The following ME2 variants were observed in gnomAD, a reference collection of about 807,000 sequenced individuals.
ME2 encodes NAD-dependent malic enzyme, mitochondrial.
In ME2, 60 loss-of-function variants were observed where a neutral mutation model predicts 73.7. That is an observed-to-expected ratio of 0.81 (90% CI 0.66 to 1.01). The LOEUF is 1.01. Ranked by LOEUF, ME2 falls within the 50% of genes least tolerant of loss-of-function variation. The pLI, the probability that ME2 is intolerant of heterozygous loss-of-function variation, is 0.00. For synonymous variants in ME2, 199 were observed against 236.9 expected, an observed-to-expected ratio of 0.84 and a Z score of 1.47; for missense variants, 594 against 705.5, an observed-to-expected ratio of 0.84 and a Z score of 1.79.
chr18:50,881,938 T>C (rs1568155431), intron 1 of ME2, among the ~76,000 whole-genome samples: 1 of 152,182 alleles, frequency 6.6e-6, no homozygotes, highest in Non-Finnish European at 1.5e-5. Flanking sequence ...AAAATGCAAA[T>C]TGGGGAGGTT....
rs608781 is a variant in ME2, at chr18:50,880,956, C to T, written c.-13+1648C>T. Reference sequence around the variant, plus strand: ...CTTCTTTTGTAAAATTAAAAACTTACAGCTATGTATGTATAATCTGTATAT... The same window carrying T: ...CTTCTTTTGTAAAATTAAAAACTTATAGCTATGTATGTATAATCTGTATAT... On this transcript the variant is annotated intron_variant, in intron 1 of 15. Transcript: ENST00000321341. Among the ~76,000 whole-genome samples the T allele has an allele frequency of 0.85, 129,484 of 152,236 alleles. 56,016 individuals carry two copies. The highest frequency in any genetic ancestry group is 0.93 in the Non-Finnish European group (63,012 of 68,038).
chr18:50,913,846 T>C (rs1917218835), intron 4 of ME2, among the ~76,000 whole-genome samples: 1 of 122,368 alleles, frequency 8.2e-6, no homozygotes, highest in African/African-American at 3.1e-5. Flanking sequence ...TTTGGAAAAT[T>C]ATCAGCAATA....
chr18:50,917,120 TA>T (rs1917304476), intron 5 of ME2: 1 of 376,620 alleles, frequency 2.7e-6, no homozygotes, highest in South Asian at 5.0e-5. Context: ...ATTCTATTCC[TA>T]AACCGAAGTC....
In ME2 at chr18:50,927,273, A is replaced by G. The variant is rs577386954; in HGVS notation, c.1314+1375A>G. ...TTTACAATGATGTCTAGCAGCTATA[A>G]TTGCTAGACTACATCCTTGAGAGTA... On this transcript the variant is annotated intron_variant, in intron 12 of 15. Coordinates refer to ENST00000321341, the MANE Select transcript of ME2 (RefSeq NM_002396.5). Among the ~76,000 whole-genome samples, 4 of 152,288 alleles carry G rather than the reference A, an allele frequency of 2.6e-5. No homozygotes were observed. The East Asian group carries it at 7.7e-4, about 29-fold the overall frequency.
At chr18:50,899,604 C>T (rs1916838217) in intron 2 of ME2, among the ~76,000 whole-genome samples, 1 of 151,912 alleles carries the variant, frequency 6.6e-6, no homozygotes, top group Admixed American at 6.6e-5. Flanking sequence ...AGAGTGAGCC[C>T]CTGTCTCAAA....
chr18:50,920,792 A>G (rs1917408237), intron 9 of ME2, 34 bp downstream of exon 9: 2 of 1,454,296 alleles, frequency 1.4e-6, no homozygotes, highest in African/African-American at 1.4e-5. Flanking sequence ...ACTTAAGCCT[A>G]TCCTCTCTTA....
chr18:50,931,798 C>G (rs1917696773), intron 12 of ME2, among the ~76,000 whole-genome samples: 1 of 151,990 alleles, frequency 6.6e-6, no homozygotes, highest in South Asian at 2.1e-4. Flanking sequence ...CCTCAGGCTC[C>G]TGAGTAGCTG....
intron 7 of ME2, 30 bp downstream of exon 7, chr18:50,918,243 G>A: frequency 2.0e-6 from 3 of 1,497,362 alleles, no homozygotes; most frequent in East Asian, 2.3e-5. Context: ...GTATATGAAA[G>A]CACCTTTAAT....
intron 1 of ME2, among the ~76,000 whole-genome samples, chr18:50,889,702 C>T (rs570070303): frequency 6.6e-6 from 1 of 152,122 alleles, no homozygotes; most frequent in Non-Finnish European, 1.5e-5. Flanking sequence ...ACAACATTTC[C>T]TAAGACGTAT....
intron 2 of ME2, among the ~76,000 whole-genome samples, chr18:50,897,421 A>C (rs186257252): frequency 2.4e-4 from 37 of 152,300 alleles, no homozygotes; most frequent in African/African-American, 8.7e-4. Flanking sequence ...GCATTACCAT[A>C]CTTCCCTAAA....
At chr18:50,884,842 TTGTGTGTGTGTG>T (rs10599201) in intron 1 of ME2, among the ~76,000 whole-genome samples, 3 of 150,556 alleles carry the variant, frequency 2.0e-5, no homozygotes, top group Non-Finnish European at 3.0e-5. Context: ...TTGTGTGTGT[TTGTGTGTGTGTG>T]TGTGTGTGTG....
At chr18:50,942,254 C>G (rs1000547901) in intron 15 of ME2, among the ~76,000 whole-genome samples, 18 of 152,116 alleles carry the variant, frequency 1.2e-4, no homozygotes, top group African/African-American at 4.1e-4. Context: ...TTGATTAATG[C>G]GTCCGTTGTT....
At chr18:50,909,034 A>G (rs1917086354) in intron 3 of ME2, among the ~76,000 whole-genome samples, 1 of 149,320 alleles carries the variant, frequency 6.7e-6, no homozygotes, top group Non-Finnish European at 1.5e-5. Flanking sequence ...GCTCACTGCA[A>G]CCTCTGCCTC....
At chr18:50,892,823 T>C (rs1916637291) in intron 1 of ME2, among the ~76,000 whole-genome samples, 1 of 152,122 alleles carries the variant, frequency 6.6e-6, no homozygotes, top group Non-Finnish European at 1.5e-5. Flanking sequence ...GTGAAAAGTA[T>C]AGCAAAAAAT....
chr18:50,920,880 A>G (rs1455539839), intron 9 of ME2, 122 bp downstream of exon 9: 37 of 786,010 alleles, frequency 4.7e-5, no homozygotes, highest in Non-Finnish European at 2.0e-5. Context: ...GGTAGAGGAT[A>G]TGAAATCAAG....
intron 2 of ME2, among the ~76,000 whole-genome samples, chr18:50,901,063 A>G (rs987005535): frequency 6.6e-6 from 1 of 152,214 alleles, no homozygotes; most frequent in African/African-American, 2.4e-5. Context: ...GATGTGAATA[A>G]TTGTGGATTT....
chr18:50,885,137 T>C (rs1916427647), intron 1 of ME2, among the ~76,000 whole-genome samples: 1 of 152,202 alleles, frequency 6.6e-6, no homozygotes, highest in Non-Finnish European at 1.5e-5. Flanking sequence ...ATTTCAGGCA[T>C]GAGCCACCAC....
intron 4 of ME2, chr18:50,913,204 C>T (rs950177833): frequency 7.8e-5 from 20 of 255,724 alleles, no homozygotes; most frequent in Admixed American, 1.6e-4. Flanking sequence ...ATACATACTT[C>T]TGGAACCTGC....
intron 12 of ME2, among the ~76,000 whole-genome samples, chr18:50,929,333 A>G (rs1001077071): frequency 6.6e-6 from 1 of 151,660 alleles, no homozygotes; most frequent in Non-Finnish European, 1.5e-5. Flanking sequence ...CTAAAAATAC[A>G]AAAAAATTAG....
Sources: allele counts gnomAD v4.1 joint callset (sites outside exome capture counted in the v4.1 genomes callset), GRCh38; gene constraint gnomAD v4.1.1; transcripts MANE v1.5; gene names NCBI Gene and HGNC (gene_info 2026-07-23, HGNC 2026-07-21).